ACTN2: variants seen among roughly 807,000 people sequenced by gnomAD.
ACTN2 encodes the protein actinin alpha 2.
ACTN2 carries 39 observed loss-of-function variants against 113.8 expected under a neutral mutation model. The ratio of observed to expected loss-of-function variants is 0.34; its 90% CI spans 0.27 to 0.45. ACTN2 has a LOEUF of 0.45. ACTN2 is among the 20% of genes least tolerant of loss of function. ACTN2 has a pLI of 1.00. For synonymous variants in ACTN2, 429 were observed against 444.1 expected, an observed-to-expected ratio of 0.97 and a Z score of 0.43; for missense variants, 992 against 1,177.9, an observed-to-expected ratio of 0.84 and a Z score of 2.31.
chr1:236,749,320 A>T, intron 14 of ACTN2, 56 bp downstream of exon 14: 1 of 1,606,084 alleles, frequency 6.2e-7, no homozygotes, highest in Non-Finnish European at 8.5e-7. Flanking sequence ...TGTCATTTAA[A>T]CTTAAGAGTC....
In ACTN2 at chr1:236,758,281, ATTCTT is replaced by A. The variant is rs1659604496; in HGVS notation, c.2301+657_2301+661del. ...TGAGTGACTATTAAGGCACACTCCA[ATTCTT>A]TTCTTTTTTTTTTTTAATGAGACGG... On this transcript the variant is annotated intron_variant, in intron 18 of 20. Transcript: ENST00000366578. Among the ~76,000 whole-genome samples the A allele has an allele frequency of 2.3e-5, 3 of 133,090 alleles. No homozygotes were observed. The South Asian group carries it at 6.7e-4, about 30-fold the overall frequency. The allele number at this position is 133,090 out of a possible 152,430, so 87.3% of individuals were successfully genotyped here. A position where few individuals can be genotyped will look rare whatever the true frequency, so the allele number is the denominator to read the frequency against.
chr1:236,708,072 C>CT (rs1431396585), intron 1 of ACTN2, among the ~76,000 whole-genome samples: 1 of 152,002 alleles, frequency 6.6e-6, no homozygotes, highest in East Asian at 1.9e-4. Context: ...CTTGTCCACA[C>CT]TAGACACTAA....
At chr1:236,701,648 G>C (rs1657680808) in intron 1 of ACTN2, among the ~76,000 whole-genome samples, 1 of 152,154 alleles carries the variant, frequency 6.6e-6, no homozygotes, top group South Asian at 2.1e-4. Context: ...ATATGGGCCA[G>C]GCATTAATGA....
intron 1 of ACTN2, among the ~76,000 whole-genome samples, chr1:236,709,502 C>T (rs1657959372): frequency 6.6e-6 from 1 of 151,406 alleles, no homozygotes; most frequent in African/African-American, 2.4e-5. Context: ...TGCCTGTCCT[C>T]CATGCCCCAT....
chr1:236,716,678 T>G (rs554544668), intron 1 of ACTN2, among the ~76,000 whole-genome samples: 2 of 152,164 alleles, frequency 1.3e-5, no homozygotes, highest in South Asian at 4.2e-4. Context: ...TGATAGACTA[T>G]ACTGCAAATT....
At chr1:236,710,154 G>A (rs1285065731) in intron 1 of ACTN2, among the ~76,000 whole-genome samples, 2 of 152,124 alleles carry the variant, frequency 1.3e-5, no homozygotes, top group Non-Finnish European at 2.9e-5. Context: ...ATCTCTTCTA[G>A]GTAAAATTGT....
At position 236,701,414 on chromosome 1, in the gene ACTN2, C is replaced by A. The variant is rs183701597; in HGVS notation, c.126+14615C>A. 2.6e-5 allele frequency among the ~76,000 whole-genome samples: 4 copies of A among 152,224 alleles called. No homozygotes were observed. The East Asian group carries it at 7.7e-4, about 29-fold the overall frequency. ...CATATATAGTCTAGTAATTCTGAAT[C>A]TTTTAATTCATAAATCTTTTAGAAG... is the stretch of plus-strand genomic sequence containing the variant. On this transcript the variant is annotated intron_variant, in intron 1 of 20. Transcript: ENST00000366578.
intron 1 of ACTN2, among the ~76,000 whole-genome samples, chr1:236,713,154 T>C (rs1316528678): frequency 6.6e-6 from 1 of 152,068 alleles, no homozygotes; most frequent in Non-Finnish European, 1.5e-5. Context: ...AGTGGAATAC[T>C]ATACAGCCAT....
intron 4 of ACTN2, among the ~76,000 whole-genome samples, chr1:236,724,819 A>G (rs1165599760): frequency 1.3e-5 from 2 of 148,186 alleles, no homozygotes; most frequent in Admixed American, 1.3e-4. Flanking sequence ...TGGTCATCAC[A>G]GATGGTGCTG....
At chr1:236,750,816 T>C (rs1659370906) in intron 14 of ACTN2, among the ~76,000 whole-genome samples, 1 of 152,000 alleles carries the variant, frequency 6.6e-6, no homozygotes. Context: ...GGGCTGAGCA[T>C]GGTGGCTCAT....
intron 17 of ACTN2, among the ~76,000 whole-genome samples, chr1:236,755,682 T>C (rs1204407365): frequency 6.8e-6 from 1 of 146,866 alleles, no homozygotes; most frequent in South Asian, 2.3e-4. Context: ...TAATAGAGTA[T>C]ATACTGCAGA....
intron 1 of ACTN2, among the ~76,000 whole-genome samples, chr1:236,705,578 C>T (rs1415163528): frequency 6.6e-6 from 1 of 152,210 alleles, no homozygotes; most frequent in East Asian, 1.9e-4. Context: ...AATTATTTTG[C>T]ATTGCTATCA....
At chr1:236,695,563 T>TTACCCCC in intron 1 of ACTN2, among the ~76,000 whole-genome samples, 1 of 100,796 alleles carries the variant, frequency 9.9e-6, no homozygotes, top group Non-Finnish European at 1.9e-5. Flanking sequence ...TGAAATGAGT[T>TTACCCCC]CCCCCCCCCT....
chr1:236,730,553 A>G (rs145829312), intron 6 of ACTN2, among the ~76,000 whole-genome samples: 81 of 152,306 alleles, frequency 5.3e-4, no homozygotes, highest in African/African-American at 1.8e-3. Context: ...GTGGATCAAA[A>G]TAAGAAATGT....
At chr1:236,740,436 C>G (rs1659035141) in intron 10 of ACTN2, among the ~76,000 whole-genome samples, 2 of 151,984 alleles carry the variant, frequency 1.3e-5, no homozygotes, top group South Asian at 4.2e-4. Context: ...CTTCTCTTAC[C>G]CTTCAACTTG....
At chr1:236,695,567 C>CCCCCG (rs1553296756) in intron 1 of ACTN2, among the ~76,000 whole-genome samples, 6 of 98,628 alleles carry the variant, frequency 6.1e-5, no homozygotes, top group Non-Finnish European at 9.6e-5. Context: ...ATGAGTTCCC[C>CCCCCG]CCCCCTGCCC....
chr1:236,720,973 A>G (rs1382366735), intron 4 of ACTN2, among the ~76,000 whole-genome samples: 1 of 137,150 alleles, frequency 7.3e-6, no homozygotes, highest in Non-Finnish European at 1.5e-5. Flanking sequence ...GACGTTATTT[A>G]TAATTCTGCC....
chr1:236,749,303 A>C (rs1659327624), intron 14 of ACTN2, 39 bp downstream of exon 14: 1 of 1,613,198 alleles, frequency 6.2e-7, no homozygotes, highest in African/African-American at 1.3e-5. Context: ...ATGCATTAGA[A>C]GTGAGTTGTC....
chr1:236,739,293 G>A lies in ACTN2; in HGVS notation c.877-9G>A. The A allele has an allele frequency of 6.2e-7, 1 of 1,613,644 alleles. No homozygotes were observed. Among genetic ancestry groups the A allele is most frequent in the Non-Finnish European group, 8.5e-7 (1 of 1,179,864 alleles). ...TGTCTTCAGCAGTATTTTTGTGTTT[G>A]CGGAGCAGCTTTTGGAATGGATTCG... is the stretch of plus-strand genomic sequence containing the variant. On this transcript the variant is annotated splice_polypyrimidine_tract_variant and intron_variant, in intron 9 of 20. Transcript: ENST00000366578.
Sources: allele counts gnomAD v4.1 joint callset (sites outside exome capture counted in the v4.1 genomes callset), GRCh38; gene constraint gnomAD v4.1.1; transcripts MANE v1.5; gene names NCBI Gene and HGNC (gene_info 2026-07-23, HGNC 2026-07-21).